CBFA2T3: variants seen among roughly 807,000 people sequenced by gnomAD.
The protein encoded by CBFA2T3 is CBFA2/RUNX1 partner transcriptional co-repressor 3.
A neutral mutation model predicts 58.6 loss-of-function variants in CBFA2T3; 31 were observed. That is an observed-to-expected ratio of 0.53 (90% confidence interval 0.40 to 0.71). The LOEUF (loss-of-function observed/expected upper bound fraction) is 0.71. Among genes scored for constraint, CBFA2T3 ranks in the 30% least tolerant of loss-of-function variants. The probability of loss-of-function intolerance (pLI) is 0.00; values close to 1 mark genes in which losing one functional copy is unlikely to be tolerated. For missense variants in CBFA2T3, 1,076 were observed against 963.1 expected, an observed-to-expected ratio of 1.12 and a Z score of -1.55; for synonymous variants, 531 against 421.9, an observed-to-expected ratio of 1.26 and a Z score of -3.17.
intron 1 of CBFA2T3, among the ~76,000 whole-genome samples, chr16:88,921,802 C>T (rs186262829): frequency 2.6e-5 from 4 of 152,356 alleles, no homozygotes; most frequent in Admixed American, 6.5e-5. Context: ...GCTTCCTCGG[C>T]GGCACCTGGG....
At chr16:88,924,747 C>A (rs1239171937) in intron 1 of CBFA2T3, among the ~76,000 whole-genome samples, 1 of 152,208 alleles carries the variant, frequency 6.6e-6, no homozygotes, top group South Asian at 2.1e-4. Flanking sequence ...TGGCCGGACG[C>A]GGCGGGGACA....
At chr16:88,952,958 AGACGGCATGTCCAGGACCCCCACGCAGG>A (rs1439902165) in intron 1 of CBFA2T3, among the ~76,000 whole-genome samples, 13 of 143,674 alleles carry the variant, frequency 9.0e-5, no homozygotes, top group Non-Finnish European at 1.8e-4. Flanking sequence ...GCCTGTGTCG[AGACGGCATGTCCAGGACCCCCACGCAGG>A]GCCTGTGTCG....
At chr16:88,878,496 G>A (rs570161365) in intron 11 of CBFA2T3, among the ~76,000 whole-genome samples, 49 of 152,350 alleles carry the variant, frequency 3.2e-4, no homozygotes, top group South Asian at 1.0e-3. Flanking sequence ...AAAGGGTCGC[G>A]GAGGGTCCTC....
In CBFA2T3 at chr16:88,958,090, G is replaced by A. The variant is rs1285204333; in HGVS notation, c.151+18567C>T. On this transcript the variant is annotated intron_variant, in intron 1 of 11. Transcript: ENST00000268679. This position sits in a 1 kb window ranked among gnomAD's most constrained non-coding sequence, Gnocchi z 4.0. ...AATCCCTCGCTCACAGAGAGGCCACGGAACTTTGTCAGCGCACCAGGGCAG... is the reference window on the plus strand; with the variant it reads ...AATCCCTCGCTCACAGAGAGGCCACAGAACTTTGTCAGCGCACCAGGGCAG... Among the ~76,000 whole-genome samples the A allele has an allele frequency of 2.0e-5, 3 of 152,158 alleles. No individual in the cohort carries two copies. Among genetic ancestry groups the A allele is most frequent in the East Asian group, 1.9e-4 (1 of 5,182 alleles).
At chr16:88,918,742 T>C (rs1298665153) in intron 1 of CBFA2T3, among the ~76,000 whole-genome samples, 1 of 152,212 alleles carries the variant, frequency 6.6e-6, no homozygotes, top group Non-Finnish European at 1.5e-5. Context: ...AGAAGTTCCA[T>C]GGCAGGTCAC....
At chr16:88,881,047 T>C in intron 9 of CBFA2T3, 1 of 704,108 alleles carries the variant, frequency 1.4e-6, no homozygotes. Context: ...CATTCGTCGC[T>C]GAGGCGGAGA....
intron 1 of CBFA2T3, among the ~76,000 whole-genome samples, chr16:88,918,268 C>T (rs1434615393): frequency 6.6e-6 from 1 of 152,256 alleles, no homozygotes; most frequent in Non-Finnish European, 1.5e-5. Flanking sequence ...AGGCACCAAG[C>T]TGGGCCCTCC....
chr16:88,881,521 C>T (rs1567574395), intron 8 of CBFA2T3, 32 bp from the exon 9 acceptor site: 1 of 1,586,136 alleles, frequency 6.3e-7, no homozygotes, highest in Non-Finnish European at 8.6e-7. Flanking sequence ...TTCAGCACCT[C>T]AGAGGGACCG....
At chr16:88,969,946 C>T (rs1385689170) in intron 1 of CBFA2T3, among the ~76,000 whole-genome samples, 3 of 152,256 alleles carry the variant, frequency 2.0e-5, no homozygotes, top group African/African-American at 7.2e-5. Flanking sequence ...TTGGAGGCTT[C>T]TGCCATGTCT....
intron 1 of CBFA2T3, among the ~76,000 whole-genome samples, chr16:88,922,393 G>A (rs888664597): frequency 1.5e-4 from 23 of 152,238 alleles, no homozygotes; most frequent in East Asian, 1.9e-4. Context: ...TGAGGGGGCC[G>A]AGGGCTTCGG....
chr16:88,882,903 T>G, intron 7 of CBFA2T3, 142 bp from the exon 8 acceptor site: 2 of 664,072 alleles, frequency 3.0e-6, no homozygotes, highest in Non-Finnish European at 5.4e-6. Context: ...GAAGGGCTGG[T>G]TGACTTGGTG....
At chr16:88,961,884 A>G (rs553943773) in intron 1 of CBFA2T3, among the ~76,000 whole-genome samples, 1 of 146,226 alleles carries the variant, frequency 6.8e-6, no homozygotes, top group South Asian at 2.3e-4. Context: ...AGCGCTGGGC[A>G]TTCCCACTCC....
At chr16:88,879,872 C>T (rs563957975) in intron 10 of CBFA2T3, 10 of 183,012 alleles carry the variant, frequency 5.5e-5, no homozygotes, top group Non-Finnish European at 9.1e-5. Context: ...ATTCCTAACG[C>T]GAGCCGGGGG....
At chr16:88,974,847 TC>T (rs942815028) in intron 1 of CBFA2T3, among the ~76,000 whole-genome samples, 4 of 152,014 alleles carry the variant, frequency 2.6e-5, no homozygotes, top group Non-Finnish European at 5.9e-5. Flanking sequence ...CCCACATCTG[TC>T]CCCTGGGGGC....
rs945205431 is a variant in CBFA2T3, at chr16:88,962,835, C to G, written c.151+13822G>C. Reference sequence around the variant, plus strand: ...AACCCTGGAGATGAGGGGCGCTGACCCTGCACGGCTTCTGAGCACCGACAT... The same window carrying G: ...AACCCTGGAGATGAGGGGCGCTGACGCTGCACGGCTTCTGAGCACCGACAT... On this transcript the variant is annotated intron_variant, in intron 1 of 11. Transcript: ENST00000268679. Among the ~76,000 whole-genome samples the G allele has an allele frequency of 5.3e-5, 8 of 152,198 alleles. No homozygotes were observed. In the South Asian group the frequency reaches 6.2e-4, roughly 12 times the overall value.
intron 1 of CBFA2T3, among the ~76,000 whole-genome samples, chr16:88,912,361 T>TG (rs745572247): frequency 4.6e-5 from 7 of 152,186 alleles, no homozygotes; most frequent in African/African-American, 1.7e-4. Context: ...ACAGATGGGC[T>TG]GGGGGTCTCT....
At chr16:88,927,275 C>T (rs1424917074) in intron 1 of CBFA2T3, among the ~76,000 whole-genome samples, 1 of 152,256 alleles carries the variant, frequency 6.6e-6, no homozygotes, top group Non-Finnish European at 1.5e-5. Context: ...GGGTCCCGCC[C>T]TGCCCTCGGG....
At position 88,876,356 on chromosome 16, in the gene CBFA2T3, G is replaced by T. The variant is rs143660068; in HGVS notation, c.*620C>A. 96 of 228,762 alleles carry T rather than the reference G, an allele frequency of 4.2e-4. No homozygotes were observed. The East Asian group carries it at 5.0e-3, about 12-fold the overall frequency. 14.2% of individuals were successfully genotyped at this position (228,762 alleles called of 1,614,324 possible). On this transcript the variant is annotated 3_prime_UTR_variant, in exon 12 of 12. Coordinates refer to ENST00000268679, the MANE Select transcript of CBFA2T3 (RefSeq NM_005187.6). ...AATCGAAATCTTTCCTCCCGTCTTC[G>T]CTGATCAGCCTCACGCCCCTGGGGG... is the stretch of plus-strand genomic sequence containing the variant.
Position 88,943,697 on chromosome 16 carries a change from C to T in CBFA2T3, c.151+32960G>A, listed in dbSNP as rs888729600. On this transcript the variant is annotated intron_variant, in intron 1 of 11. Coordinates refer to ENST00000268679, the MANE Select transcript of CBFA2T3 (RefSeq NM_005187.6). ...CCGTGCTGTGCGGATGCTCCCGGAA[C>T]GCCCATTTTACAGGTGGAGAGGCTG... 3.9e-5 allele frequency among the ~76,000 whole-genome samples: 6 copies of T among 152,290 alleles called. No homozygotes were observed. In the East Asian group the frequency reaches 5.8e-4, roughly 15 times the overall value.
Sources: gnomAD v4.1 joint callset for allele counts (sites outside exome capture counted in the v4.1 genomes callset) on GRCh38, gnomAD v4.1.1 for gene constraint, Gnocchi (gnomAD v3.1) non-coding constraint, MANE v1.5 for transcripts, NCBI Gene and HGNC (gene_info 2026-07-23, HGNC 2026-07-21) for gene names.